Variants in LRP1B observed in about 807,000 individuals in gnomAD.
LRP1B encodes the protein low-density lipoprotein receptor-related protein 1B.
A neutral mutation model predicts 556.6 loss-of-function variants in LRP1B; 217 were observed. The observed-to-expected ratio is 0.39, with a 90% CI of 0.35 to 0.44. The LOEUF (loss-of-function observed/expected upper bound fraction) is 0.44. Among genes scored for constraint, LRP1B ranks in the 20% least tolerant of loss-of-function variants. The pLI is 1.00. For synonymous variants in LRP1B, 2,047 were observed against 1,865.8 expected (o/e 1.10, Z -2.50); for missense variants, 5,053 against 5,620.8 (o/e 0.90, Z 3.23).
intron 1 of LRP1B, among the ~76,000 whole-genome samples, chr2:141,819,775 G>A (rs1215037768): frequency 2.0e-5 from 3 of 152,098 alleles, no homozygotes; most frequent in South Asian, 4.1e-4. Context: ...AATGATAAAT[G>A]TTTGAAATGA....
chr2:140,881,268 G>GTT (rs1181229058), intron 25 of LRP1B, among the ~76,000 whole-genome samples: 2 of 151,556 alleles, frequency 1.3e-5, no homozygotes, highest in Non-Finnish European at 2.9e-5. Flanking sequence ...GTGTGTGTGT[G>GTT]TGTGTGTGCG....
intron 2 of LRP1B, among the ~76,000 whole-genome samples, chr2:141,587,600 A>G (rs1237331197): frequency 6.6e-6 from 1 of 152,176 alleles, no homozygotes; most frequent in Non-Finnish European, 1.5e-5. Flanking sequence ...TCCCCTTTTG[A>G]GACAACACAC....
intron 3 of LRP1B, among the ~76,000 whole-genome samples, chr2:141,304,057 G>T (rs1299718866): frequency 6.6e-6 from 1 of 152,048 alleles, no homozygotes; most frequent in African/African-American, 2.4e-5. Flanking sequence ...TCATTTCTAT[G>T]TATTCTTTTG....
At position 140,811,360 on chromosome 2, in the gene LRP1B, T is replaced by G. The variant is rs187420574; in HGVS notation, c.5359+2297A>C. Among the ~76,000 whole-genome samples the G allele has an allele frequency of 7.2e-5, 11 of 152,308 alleles. No individual in the cohort carries two copies. In the East Asian group the frequency reaches 1.5e-3, roughly 21 times the overall value. On this transcript the variant is annotated intron_variant, in intron 32 of 90. Transcript: ENST00000389484. ...ATTTACAGCATTGAGCTCTGTTAGT[T>G]TAGTATTCATTTTCTACTCAAAACA...
chr2:142,069,828 T>G (rs1438693057), intron 1 of LRP1B, among the ~76,000 whole-genome samples: 2 of 130,544 alleles, frequency 1.5e-5, no homozygotes, highest in Admixed American at 1.7e-4. Flanking sequence ...AAAAGATTAG[T>G]ATTTTTGCAA....
At chr2:140,738,885 T>C (rs1688039858) in intron 35 of LRP1B, among the ~76,000 whole-genome samples, 1 of 152,204 alleles carries the variant, frequency 6.6e-6, no homozygotes, top group Admixed American at 6.5e-5. Context: ...ATAATTGTGC[T>C]TTATTTAGTC....
chr2:141,151,174 G>A (rs1365496431), intron 7 of LRP1B, among the ~76,000 whole-genome samples: 1 of 152,054 alleles, frequency 6.6e-6, no homozygotes, highest in African/African-American at 2.4e-5. Flanking sequence ...CTATGTGGAG[G>A]ACCCGAAGAT....
chr2:141,730,851 A>T (rs1693242373), intron 2 of LRP1B, among the ~76,000 whole-genome samples: 1 of 152,154 alleles, frequency 6.6e-6, no homozygotes, highest in African/African-American at 2.4e-5. Context: ...TCTTCACTGG[A>T]CAGAAGTGGT....
At chr2:140,547,509 T>G (rs1415233612) in intron 43 of LRP1B, among the ~76,000 whole-genome samples, 1 of 152,134 alleles carries the variant, frequency 6.6e-6, no homozygotes, top group African/African-American at 2.4e-5. Flanking sequence ...ATCTCCTTTC[T>G]CGTTTCTAAT....
At chr2:141,908,350 A>G (rs1194845641) in intron 1 of LRP1B, among the ~76,000 whole-genome samples, 1 of 151,996 alleles carries the variant, frequency 6.6e-6, no homozygotes, top group Non-Finnish European at 1.5e-5. Context: ...AAATAATTAA[A>G]CCCACTGTAT....
At chr2:141,381,205 T>C (rs576199605) in intron 3 of LRP1B, among the ~76,000 whole-genome samples, 52 of 151,808 alleles carry the variant, frequency 3.4e-4, no homozygotes, top group Non-Finnish European at 6.3e-4. Context: ...AATAAAGCCA[T>C]GGAAAATATT....
chr2:141,095,876 A>T (rs1020317846), intron 7 of LRP1B, among the ~76,000 whole-genome samples: 5 of 152,072 alleles, frequency 3.3e-5, no homozygotes, highest in Non-Finnish European at 2.9e-5. Flanking sequence ...AGGCCTGCAA[A>T]CATCAGTACA....
In LRP1B at chr2:140,324,021, T is replaced by C. The variant is rs2105059491; in HGVS notation, c.12386A>G (p.Tyr4129Cys). 6.2e-7 allele frequency: 1 copy of C among 1,610,116 alleles called. No homozygotes were observed. Among genetic ancestry groups the C allele is most frequent in the East Asian group, 2.2e-5 (1 of 44,642 alleles). The change falls in exon 81 of 91, where the codon TAT (tyrosine) becomes TGT (cysteine). Residue 4129 changes from tyrosine (Y) to cysteine (C), a missense_variant. Around this residue, in one of 5 missense-constraint regions of LRP1B, gnomAD observed 551 missense variants for 592.0 expected, o/e 0.93. Transcript: ENST00000389484. ...HRIDIFEDYI[Y>C]GAGPKNGVFR... The stretch of plus-strand genomic sequence containing the variant: ...TACACCATTTTTAGGTCCTGCTCCA[T>C]ATATATAATCTTCAAAGATATCGAT...
intron 37 of LRP1B, among the ~76,000 whole-genome samples, chr2:140,711,346 T>C (rs1479566418): frequency 6.6e-6 from 1 of 151,940 alleles, no homozygotes; most frequent in East Asian, 1.9e-4. Context: ...GGGACCTACC[T>C]AGAATCACCC....
chr2:141,132,236 T>C (rs1481912601), intron 7 of LRP1B, among the ~76,000 whole-genome samples: 4 of 151,902 alleles, frequency 2.6e-5, no homozygotes, highest in Non-Finnish European at 5.9e-5. Context: ...TGATGTGAGG[T>C]ATTTGGATTA....
chr2:142,064,253 G>A (rs1408430768), intron 1 of LRP1B, among the ~76,000 whole-genome samples: 1 of 151,222 alleles, frequency 6.6e-6, no homozygotes, highest in Non-Finnish European at 1.5e-5. Context: ...AGTTACATTG[G>A]ACAATGATTA....
chr2:141,991,721 G>A (rs1702350176), intron 1 of LRP1B, among the ~76,000 whole-genome samples: 1 of 151,978 alleles, frequency 6.6e-6, no homozygotes, highest in African/African-American at 2.4e-5. Flanking sequence ...GAGGAATCAG[G>A]GAAGATTCAA....
chr2:141,666,783 C>T (rs180881071), intron 2 of LRP1B, among the ~76,000 whole-genome samples: 9 of 152,218 alleles, frequency 5.9e-5, no homozygotes, highest in Admixed American at 2.0e-4. Flanking sequence ...GTTATGTATA[C>T]GTCTCCAGCA....
At chr2:141,447,063 T>A (rs1325117677) in intron 3 of LRP1B, among the ~76,000 whole-genome samples, 3 of 152,260 alleles carry the variant, frequency 2.0e-5, no homozygotes, top group African/African-American at 7.2e-5. Flanking sequence ...AAATGTAGGT[T>A]TGGTCTTTTC....
Sources: gnomAD v4.1 joint callset for allele counts (sites outside exome capture counted in the v4.1 genomes callset) on GRCh38, gnomAD v4.1.1 for gene constraint, gnomAD v4.1.1 regional missense constraint, MANE v1.5 for transcripts, NCBI Gene and HGNC (gene_info 2026-07-23, HGNC 2026-07-21) for gene names.